Variants in ARB2A observed in about 807,000 individuals in gnomAD.
ARB2A encodes the protein cotranscriptional regulator ARB2A.
the ARB2A span, among the ~76,000 whole-genome samples, chr5:94,018,641 G>A: frequency 9.2e-5 from 14 of 152,030 alleles, no homozygotes; most frequent in South Asian, 2.1e-4. Flanking sequence ...CTTGAGCAGC[G>A]GTTTGTAGTT....
the ARB2A span, among the ~76,000 whole-genome samples, chr5:93,758,288 T>C: frequency 2.3e-4 from 35 of 151,888 alleles, no homozygotes; most frequent in African/African-American, 8.4e-4. Flanking sequence ...GACAGCAATA[T>C]AAAAATAGTA....
At chr5:93,640,578 G>A in the ARB2A span, among the ~76,000 whole-genome samples, 84 of 137,440 alleles carry the variant, frequency 6.1e-4, no homozygotes, top group Middle Eastern at 4.3e-3. Flanking sequence ...GTGTGTATGT[G>A]TGTGTGTGTG....
At chr5:93,844,504 T>C in the ARB2A span, among the ~76,000 whole-genome samples, 2 of 152,012 alleles carry the variant, frequency 1.3e-5, no homozygotes, top group Non-Finnish European at 2.9e-5. Flanking sequence ...CCAGCCAAAA[T>C]ATCATAAAAT....
chr5:93,801,950 T>A, the ARB2A span, among the ~76,000 whole-genome samples: 1 of 152,144 alleles, frequency 6.6e-6, no homozygotes, highest in Non-Finnish European at 1.5e-5. Flanking sequence ...AGACATTTTC[T>A]GTTTTTATTG....
chr5:94,006,772 A>C, the ARB2A span, among the ~76,000 whole-genome samples: 11 of 152,232 alleles, frequency 7.2e-5, no homozygotes, highest in East Asian at 3.8e-4. Flanking sequence ...GGCTACTAGG[A>C]TACATTACAA....
chr5:93,953,256 G>T, the ARB2A span, among the ~76,000 whole-genome samples: 1 of 152,144 alleles, frequency 6.6e-6, no homozygotes, highest in African/African-American at 2.4e-5. Flanking sequence ...ATTTATTGCA[G>T]TCTTTGCAAT....
chr5:93,890,688 T>C, the ARB2A span, among the ~76,000 whole-genome samples: 1 of 151,982 alleles, frequency 6.6e-6, no homozygotes, highest in South Asian at 2.1e-4. Flanking sequence ...CATGCATAGT[T>C]CTAAGCCAAC....
the ARB2A span, among the ~76,000 whole-genome samples, chr5:94,062,717 GAGAGCCC>G: frequency 6.6e-6 from 1 of 152,108 alleles, no homozygotes; most frequent in Non-Finnish European, 1.5e-5. Context: ...GTGCCATTTT[GAGAGCCC>G]AGCCCCTATA....
the ARB2A span, among the ~76,000 whole-genome samples, chr5:93,827,330 G>A: frequency 8.5e-5 from 13 of 152,138 alleles, no homozygotes; most frequent in Middle Eastern, 0.01. Context: ...TTTGATCTGC[G>A]TTTCTCTGAT....
At chr5:94,079,898 T>C in the ARB2A span, among the ~76,000 whole-genome samples, 5 of 152,144 alleles carry the variant, frequency 3.3e-5, no homozygotes, top group Non-Finnish European at 4.4e-5. Flanking sequence ...GGTCCCCAAA[T>C]TGGTAATCAT....
At chr5:93,806,191 T>C in the ARB2A span, among the ~76,000 whole-genome samples, 1 of 151,960 alleles carries the variant, frequency 6.6e-6, no homozygotes, top group Non-Finnish European at 1.5e-5. Flanking sequence ...TATCTGTGTT[T>C]ACACAGATTG....
the ARB2A span, among the ~76,000 whole-genome samples, chr5:94,047,550 T>C: frequency 6.6e-6 from 1 of 150,970 alleles, no homozygotes; most frequent in South Asian, 2.1e-4. Flanking sequence ...TGGGTCCAAA[T>C]TGAATGTGAA....
the ARB2A span, among the ~76,000 whole-genome samples, chr5:93,898,985 A>G: frequency 4.9e-4 from 75 of 152,208 alleles, no homozygotes; most frequent in African/African-American, 1.6e-3. Flanking sequence ...ATCAGAGTCT[A>G]GTTGGACTCT....
At chr5:93,640,616 T>C in the ARB2A span, among the ~76,000 whole-genome samples, 1 of 150,184 alleles carries the variant, frequency 6.7e-6, no homozygotes, top group African/African-American at 2.5e-5. Context: ...GTATATATAC[T>C]TATATACATA....
the ARB2A span, among the ~76,000 whole-genome samples, chr5:93,657,983 CT>C: frequency 6.6e-6 from 1 of 152,060 alleles, no homozygotes; most frequent in Non-Finnish European, 1.5e-5. Flanking sequence ...ATTTTTGATA[CT>C]TTTTTTGTAA....
chr5:93,695,828 A>C, the ARB2A span, among the ~76,000 whole-genome samples: 1 of 152,232 alleles, frequency 6.6e-6, no homozygotes, highest in Non-Finnish European at 1.5e-5. Context: ...AATGTGGCAC[A>C]TATACACTAT....
the ARB2A span, among the ~76,000 whole-genome samples, chr5:93,916,886 T>C: frequency 3.0e-4 from 46 of 152,110 alleles, no homozygotes; most frequent in African/African-American, 1.0e-3. Context: ...CAAGGACAGG[T>C]AGCAGCAAAT....
At chr5:93,646,715 T>TA in the ARB2A span, among the ~76,000 whole-genome samples, 1 of 152,084 alleles carries the variant, frequency 6.6e-6, no homozygotes, top group Non-Finnish European at 1.5e-5. Flanking sequence ...AATTTAGTGA[T>TA]ACATCATGTA....
At chr5:93,649,152 G>A in the ARB2A span, among the ~76,000 whole-genome samples, 1 of 151,720 alleles carries the variant, frequency 6.6e-6, no homozygotes. Context: ...TATTATTTTT[G>A]TTTAAAAATG....
Sources: allele counts gnomAD v4.1 joint callset (sites outside exome capture counted in the v4.1 genomes callset), GRCh38; gene constraint gnomAD v4.1.1; transcripts MANE v1.5; gene names NCBI Gene and HGNC (gene_info 2026-07-23, HGNC 2026-07-21).